Variants in SPATA2L observed in about 807,000 individuals in gnomAD.
SPATA2L encodes the protein spermatogenesis associated 2 like.
A neutral mutation model predicts 8.7 loss-of-function variants in SPATA2L; 5 were observed. That is an observed-to-expected ratio of 0.57 (90% CI 0.30 to 1.21). The LOEUF (loss-of-function observed/expected upper bound fraction) is 1.21, where lower values mean the gene tolerates loss of function less well. SPATA2L is among the 50% of genes most tolerant of loss of function. The pLI, the probability that SPATA2L is intolerant of heterozygous loss-of-function variation, is 0.07. For synonymous variants in SPATA2L, 358 were observed against 275.8 expected, an observed-to-expected ratio of 1.30 and a Z score of -2.95; for missense variants, 671 against 591.0, an observed-to-expected ratio of 1.14 and a Z score of -1.40.
Position 89,697,902 on chromosome 16 carries a change from C to T in SPATA2L, c.707G>A (p.Gly236Glu), listed in dbSNP as rs1484990325. 1 of 1,611,572 alleles carries T rather than the reference C, an allele frequency of 6.2e-7. No homozygotes were observed. Among genetic ancestry groups the T allele is most frequent in the Non-Finnish European group, 8.5e-7 (1 of 1,179,604 alleles). ...DLYRDLQEDE[G>E]SEDASLYGEP... ...CCCATACAGGCTGGCGTCCTCCGAC[C>T]CCTCGTCTTCCTGCAAGTCCCGGTA... is the stretch of plus-strand genomic sequence containing the variant. The change falls in exon 3 of 3, where the codon GGG becomes GAG. Residue 236 changes from glycine to glutamate, a missense_variant. Transcript: ENST00000289805.
In SPATA2L at chr16:89,701,134, C is replaced by G. The variant is rs919279558; in HGVS notation, c.99G>C (p.Ala33=). The G allele has an allele frequency of 4.6e-6, 7 of 1,530,368 alleles. No individual in the cohort carries two copies. In the African/African-American group the frequency reaches 9.9e-5, roughly 22 times the overall value. 94.8% of individuals were successfully genotyped at this position (1,530,368 alleles called of 1,614,324 possible). ...AGVCGDPSLR[A]VLWQILVEDF... The stretch of plus-strand genomic sequence containing the variant: ...CCTCCACCAGGATCTGCCAGAGCAC[C>G]GCGCGCAGCGAGGGGTCCCCGCACA... The change falls in exon 2 of 3, where the codon GCG becomes GCC. Residue 33 remains alanine, a synonymous_variant. Transcript: ENST00000289805.
Position 89,698,033 on chromosome 16 carries a change from C to T in SPATA2L, c.576G>A (p.Val192=), listed in dbSNP as rs761854610. 5 of 1,598,202 alleles carry T rather than the reference C, an allele frequency of 3.1e-6. No individual in the cohort carries two copies. The highest frequency in any genetic ancestry group is 3.4e-6 in the Non-Finnish European group (4 of 1,176,454). ...LLQARRASGD[V]ASCVAWLQQR... ...GCTGCAGCCAGGCCACACAGGAGGC[C>T]ACGTCCCCGCTGGCACGCCGTGCCT... is the stretch of plus-strand genomic sequence containing the variant. Residue 192 remains valine, a synonymous_variant, in exon 3 of 3, where the codon GTG becomes GTA. Coordinates refer to ENST00000289805, the MANE Select transcript of SPATA2L (RefSeq NM_152339.4).
Position 89,696,484 on chromosome 16 carries a change from G to A in SPATA2L, c.*850C>T, listed in dbSNP as rs1597886111. On this transcript the variant is annotated 3_prime_UTR_variant, in exon 3 of 3. Transcript: ENST00000289805. ...AGGGTCAGGGAGTTGTGGGCCCAGA[G>A]GGGCTGTCACAGTGGATGCACCCTG... 5.6e-6 allele frequency: 2 copies of A among 354,162 alleles called. No individual in the cohort carries two copies. Among genetic ancestry groups the A allele is most frequent in the East Asian group, 9.5e-5 (2 of 20,994 alleles). 21.9% of individuals were successfully genotyped at this position (354,162 alleles called of 1,614,324 possible).
chr16:89,697,015 G>A lies in SPATA2L; in HGVS notation c.*319C>T. 1.4e-6 allele frequency: 2 copies of A among 1,420,252 alleles called. No homozygotes were observed. The highest frequency in any genetic ancestry group is 2.5e-5 in the East Asian group (1 of 39,362). 88.0% of individuals were successfully genotyped at this position (1,420,252 alleles called of 1,614,324 possible). Reference sequence around the variant, plus strand: ...GGAGCCACGGGCCTTGGGGCACAGGGTCCTTCTCAGGGACAGGTTCAGGCA... The same window carrying A: ...GGAGCCACGGGCCTTGGGGCACAGGATCCTTCTCAGGGACAGGTTCAGGCA... On this transcript the variant is annotated 3_prime_UTR_variant, in exon 3 of 3. Coordinates refer to ENST00000289805, the MANE Select transcript of SPATA2L (RefSeq NM_152339.4).
chr16:89,696,526 A>G lies in SPATA2L; in HGVS notation c.*808T>C. On this transcript the variant is annotated 3_prime_UTR_variant, in exon 3 of 3. Coordinates refer to ENST00000289805, the MANE Select transcript of SPATA2L (RefSeq NM_152339.4). ...TGCACCCTGCCCTCTCCCTCGCCAG[A>G]CCCGAGGGTAGGGCAGAGGCACCTC... 2.4e-6 allele frequency: 1 copy of G among 425,158 alleles called. No homozygotes were observed. Among genetic ancestry groups the G allele is most frequent in the East Asian group, 3.8e-5 (1 of 26,342 alleles). The allele number at this position is 425,158 out of a possible 1,614,324, so 26.3% of individuals were successfully genotyped here.
At chr16:89,699,553 CTTTTT>C (rs374276446) in intron 2 of SPATA2L, among the ~76,000 whole-genome samples, 2 of 142,108 alleles carry the variant, frequency 1.4e-5, no homozygotes, top group African/African-American at 2.6e-5. Context: ...GGTGAGTGCT[CTTTTT>C]TTTTTTTTTT....
intron 2 of SPATA2L, among the ~76,000 whole-genome samples, chr16:89,699,225 C>A (rs2060758956): frequency 6.6e-6 from 1 of 152,222 alleles, no homozygotes; most frequent in South Asian, 2.1e-4. Flanking sequence ...ATGGCCTCAT[C>A]TAATTAGTTT....
Position 89,697,231 on chromosome 16 carries a change from C to G in SPATA2L, c.*103G>C, listed in dbSNP as rs2060736777. 7.1e-7 allele frequency: 1 copy of G among 1,404,764 alleles called. No individual in the cohort carries two copies. Among genetic ancestry groups the G allele is most frequent in the Non-Finnish European group, 9.2e-7 (1 of 1,083,216 alleles). The allele number at this position is 1,404,764 out of a possible 1,614,324, so 87.0% of individuals were successfully genotyped here. A position where few individuals can be genotyped will look rare whatever the true frequency, so the allele number is the denominator to read the frequency against. On this transcript the variant is annotated 3_prime_UTR_variant, in exon 3 of 3. Coordinates refer to ENST00000289805, the MANE Select transcript of SPATA2L (RefSeq NM_152339.4). ...CTCCAACCCCCTGCTGTGCCCAGGA[C>G]TCCCCCAGGGACAAGGCAACCAGAG...
intron 1 of SPATA2L, 113 bp downstream of exon 1, chr16:89,701,515 G>A: frequency 2.6e-6 from 1 of 384,374 alleles, no homozygotes; most frequent in Non-Finnish European, 4.6e-6. Context: ...GGCGCCCCCG[G>A]TTATCGACCG....
Position 89,697,409 on chromosome 16 carries a change from G to A in SPATA2L, c.1200C>T (p.Asp400=), listed in dbSNP as rs769264989. The change falls in exon 3 of 3, where the codon GAC becomes GAT. Residue 400 remains aspartate, a synonymous_variant. Transcript: ENST00000289805. ...PGHSLRVLLG[D]AQRRLWLQRA... is the part of the protein sequence containing the mutation. ...GCTGTAGCCACAAGCGCCGCTGGGC[G>A]TCGCCAAGCAGCACACGCAGCGAGT... 8 of 1,600,974 alleles carry A rather than the reference G, an allele frequency of 5.0e-6. No individual in the cohort carries two copies. The highest frequency in any genetic ancestry group is 1.8e-4 in the Middle Eastern group (1 of 5,692).
Position 89,697,672 on chromosome 16 carries a change from G to A in SPATA2L, c.937C>T (p.Arg313Cys), listed in dbSNP as rs370125857. ...EPSAFSFLSL[R>C]RELSRPGDLA... is the part of the protein sequence containing the mutation. ...TCCCCAGGCCTACTCAGCTCACGGC[G>A]CAGAGAGAGGAAGGAGAAGGCGGAA... Residue 313 changes from arginine (R) to cysteine (C), a missense_variant, in exon 3 of 3, where the codon CGC (arginine) becomes TGC (cysteine). Arg to Cys is a radical substitution (Grantham distance 180). Coordinates refer to ENST00000289805, the MANE Select transcript of SPATA2L (RefSeq NM_152339.4). 5.2e-5 allele frequency: 83 copies of A among 1,611,070 alleles called. No individual in the cohort carries two copies. In the Admixed American group the frequency reaches 1.2e-3, roughly 22 times the overall value.
intron 2 of SPATA2L, among the ~76,000 whole-genome samples, chr16:89,699,275 TAC>T (rs1427976577): frequency 2.0e-5 from 3 of 152,208 alleles, no homozygotes; most frequent in Non-Finnish European, 4.4e-5. Context: ...CAAACCCAAA[TAC>T]AGATTTCGTT....
At chr16:89,698,784 G>C (rs2060755799) in intron 2 of SPATA2L, among the ~76,000 whole-genome samples, 1 of 150,112 alleles carries the variant, frequency 6.7e-6, no homozygotes, top group Non-Finnish European at 1.5e-5. Flanking sequence ...ACTGTGCCCG[G>C]CCTAGAATTT....
At chr16:89,698,541 A>C (rs1220674285) in intron 2 of SPATA2L, among the ~76,000 whole-genome samples, 1 of 117,918 alleles carries the variant, frequency 8.5e-6, no homozygotes, top group Non-Finnish European at 1.6e-5. Flanking sequence ...GCTGGAGTGC[A>C]GTGGCTCCAT....
Position 89,696,662 on chromosome 16 carries a change from C to T in SPATA2L, c.*672G>A. Reference sequence around the variant, plus strand: ...CGGGCTGTCCACAGGCCCTTCCGCCCAGCAGCAGTGACGCTCAGGGCCTTC... The same window carrying T: ...CGGGCTGTCCACAGGCCCTTCCGCCTAGCAGCAGTGACGCTCAGGGCCTTC... On this transcript the variant is annotated 3_prime_UTR_variant, in exon 3 of 3. Transcript: ENST00000289805. 9.7e-7 allele frequency: 1 copy of T among 1,030,924 alleles called. No homozygotes were observed. Among genetic ancestry groups the T allele is most frequent in the South Asian group, 1.7e-5 (1 of 59,672 alleles). 63.9% of individuals were successfully genotyped at this position (1,030,924 alleles called of 1,614,324 possible). A position where few individuals can be genotyped will look rare whatever the true frequency, so the allele number is the denominator to read the frequency against.
chr16:89,701,085 G>T lies in SPATA2L; in HGVS notation c.148C>A (p.Gln50Lys). 6.4e-7 allele frequency: 1 copy of T among 1,569,608 alleles called. No homozygotes were observed. The highest frequency in any genetic ancestry group is 8.6e-7 in the Non-Finnish European group (1 of 1,163,120). Residue 50 changes from glutamine to lysine, a missense_variant, in exon 2 of 3, where the codon CAG becomes AAG. Physicochemically the swap from Gln to Lys is moderately conservative, Grantham distance 53. Transcript: ENST00000289805. Reference protein sequence around the residue: ...VEDFDLHGALQDDALALLTDG... With the variant: ...VEDFDLHGALKDDALALLTDG... ...GTGAGCAGAGCCAGCGCGTCGTCCT[G>T]CAGCGCCCCGTGCAGGTCGAAGTCC...
chr16:89,697,790 A>C lies in SPATA2L; in HGVS notation c.819T>G (p.Thr273=). The change falls in exon 3 of 3, where the codon ACT becomes ACG. Residue 273 remains threonine (T), a synonymous_variant. Transcript: ENST00000289805. ...LWEQSAKLWG[T]GGRAWEPPAE... ...CTGGGGGCTCCCAGGCCCGGCCCCC[A>C]GTGCCCCACAGTTTGGCACTCTGCT... is the stretch of plus-strand genomic sequence containing the variant. The C allele has an allele frequency of 6.2e-7, 1 of 1,600,034 alleles. No homozygotes were observed. The highest frequency in any genetic ancestry group is 8.5e-7 in the Non-Finnish European group (1 of 1,174,602).
At chr16:89,698,447 T>A (rs959024804) in intron 2 of SPATA2L, 142 bp from the exon 3 acceptor site, 1 of 618,772 alleles carries the variant, frequency 1.6e-6, no homozygotes, top group Non-Finnish European at 2.6e-6. Flanking sequence ...CTTAGCCAGC[T>A]TGGGCCAGGC....
At position 89,697,736 on chromosome 16, in the gene SPATA2L, T is replaced by C; in HGVS notation, c.873A>G (p.Pro291=). The change falls in exon 3 of 3, where the codon CCA becomes CCG. Residue 291 remains proline (P), a synonymous_variant. Transcript: ENST00000289805. ...GCCCCTCCTCCAAGGCCCCATATGG[T>C]GGGCTGCTGGCCTGCGGCAGCTCCT... The part of the protein sequence containing the change: ...PAEELPQASS[P]PYGALEEGLE... The C allele has an allele frequency of 1.9e-6, 3 of 1,608,486 alleles. No individual in the cohort carries two copies. The highest frequency in any genetic ancestry group is 2.5e-6 in the Non-Finnish European group (3 of 1,177,964).
Sources: allele counts gnomAD v4.1 joint callset (sites outside exome capture counted in the v4.1 genomes callset), GRCh38; gene constraint gnomAD v4.1.1; transcripts MANE v1.5; gene names NCBI Gene and HGNC (gene_info 2026-07-23, HGNC 2026-07-21).